The following EPCAM variants were observed in gnomAD, a reference collection of about 807,000 sequenced individuals.
The protein encoded by EPCAM is epithelial cell adhesion molecule.
EPCAM carries 39 observed loss-of-function variants against 40.0 expected under a neutral mutation model. That is an observed-to-expected ratio of 0.98 (90% CI 0.76 to 1.27). The LOEUF (loss-of-function observed/expected upper bound fraction) is 1.27, where lower values mean the gene tolerates loss of function less well. Ranked by LOEUF, EPCAM falls within the 50% of genes most tolerant of loss-of-function variation. EPCAM has a pLI of 0.00. For missense variants in EPCAM, 503 were observed against 381.2 expected (o/e 1.32, Z -2.66); for synonymous variants, 168 against 132.3 (o/e 1.27, Z -1.85).
intron 7 of EPCAM, among the ~76,000 whole-genome samples, chr2:47,381,151 C>G (rs1471507578): frequency 1.1e-4 from 15 of 139,554 alleles, no homozygotes; most frequent in Non-Finnish European, 1.1e-4. Flanking sequence ...AATCCCAGCA[C>G]TTTGGGAGGC....
intron 1 of EPCAM, among the ~76,000 whole-genome samples, chr2:47,373,205 T>TAAA (rs777057814): frequency 0.059 from 3,816 of 64,636 alleles, 335 homozygotes; most frequent in East Asian, 0.12. Context: ...ACCCTATCTT[T>TAAA]AAAAAAAAAA....
At chr2:47,372,240 G>C (rs147949544) in intron 1 of EPCAM, among the ~76,000 whole-genome samples, 2 of 152,262 alleles carry the variant, frequency 1.3e-5, no homozygotes, top group African/African-American at 4.8e-5. Flanking sequence ...TTCCTGTTAA[G>C]CCCCAAAGGA....
intron 1 of EPCAM, among the ~76,000 whole-genome samples, chr2:47,370,160 A>C (rs973777338): frequency 1.3e-5 from 2 of 152,262 alleles, no homozygotes; most frequent in African/African-American, 4.8e-5. Flanking sequence ...GAGTAATGCC[A>C]GGCTTATTGT....
In EPCAM at chr2:47,376,649, T is replaced by G. The variant is rs1465097363; in HGVS notation, c.492-365T>G. The stretch of plus-strand genomic sequence containing the variant: ...CTTGTGTCCTTTATAATACTTCACA[T>G]TAGGAGTTGCATGATGTCAGCTTGT... On this transcript the variant is annotated intron_variant, in intron 4 of 8. Coordinates refer to ENST00000263735, the MANE Select transcript of EPCAM (RefSeq NM_002354.3). Among the ~76,000 whole-genome samples, 7 of 152,270 alleles carry G rather than the reference T, an allele frequency of 4.6e-5. No homozygotes were observed. In the East Asian group the frequency reaches 1.2e-3, roughly 25 times the overall value.
chr2:47,370,724 T>C (rs1007606252), intron 1 of EPCAM, among the ~76,000 whole-genome samples: 1 of 151,440 alleles, frequency 6.6e-6, no homozygotes, highest in Non-Finnish European at 1.5e-5. Flanking sequence ...GTATTTATTA[T>C]TTATTATTAT....
chr2:47,376,287 C>A (rs552942656), intron 4 of EPCAM, among the ~76,000 whole-genome samples: 1 of 142,632 alleles, frequency 7.0e-6, no homozygotes, highest in Non-Finnish European at 1.5e-5. Flanking sequence ...TGGAGTTTTC[C>A]CTTTTGTTGC....
chr2:47,386,173 T>G (rs1671738245), intron 8 of EPCAM, among the ~76,000 whole-genome samples: 1 of 152,212 alleles, frequency 6.6e-6, no homozygotes, highest in Non-Finnish European at 1.5e-5. Context: ...TTGTCTCAGT[T>G]TGCCTGTAAC....
chr2:47,374,451 G>C (rs1409851057), intron 3 of EPCAM, among the ~76,000 whole-genome samples: 1 of 151,994 alleles, frequency 6.6e-6, no homozygotes, highest in Non-Finnish European at 1.5e-5. Context: ...CTTGTTTTAG[G>C]GATTGTTTAA....
intron 7 of EPCAM, among the ~76,000 whole-genome samples, chr2:47,382,350 G>A (rs1459501443): frequency 6.6e-6 from 1 of 152,054 alleles, no homozygotes; most frequent in Non-Finnish European, 1.5e-5. Flanking sequence ...AAACACAAGT[G>A]CAATAAGGAA....
chr2:47,370,094 A>G (rs571261360), intron 1 of EPCAM, among the ~76,000 whole-genome samples: 2 of 152,236 alleles, frequency 1.3e-5, no homozygotes, highest in African/African-American at 4.8e-5. Context: ...TGCGCGCGGC[A>G]GGCGGCCCGG....
intron 1 of EPCAM, among the ~76,000 whole-genome samples, chr2:47,371,426 C>A (rs1284300857): frequency 6.6e-6 from 1 of 152,216 alleles, no homozygotes; most frequent in East Asian, 1.9e-4. Flanking sequence ...GGTCCGGCAT[C>A]TCTTGGTTTA....
chr2:47,373,681 C>T (rs2103746449), intron 2 of EPCAM, 111 bp downstream of exon 2: 1 of 1,461,168 alleles, frequency 6.8e-7, no homozygotes. Context: ...AATCATGTTA[C>T]AAAGTAAGTG....
In EPCAM at chr2:47,373,465, T is replaced by C. The variant is rs2103745496; in HGVS notation, c.79T>C (p.Cys27Arg). 1 of 1,600,156 alleles carries C rather than the reference T, an allele frequency of 6.2e-7. No homozygotes were observed. ...AGATTTTTTTTTTAATTTTCTAGAA[T>C]GTGTCTGTGAAAACTACAAGCTGGC... Reference protein sequence around the residue: ...TATFAAAQEECVCENYKLAVN... With the variant: ...TATFAAAQEERVCENYKLAVN... Residue 27 changes from cysteine to arginine, a missense_variant and splice_region_variant, in exon 2 of 9, where the codon TGT (cysteine) becomes CGT (arginine). By Grantham distance (180) the Cys-to-Arg change is radical. Coordinates refer to ENST00000263735, the MANE Select transcript of EPCAM (RefSeq NM_002354.3).
intron 7 of EPCAM, chr2:47,383,426 C>T (rs1407031515): frequency 2.0e-5 from 3 of 151,288 alleles, no homozygotes; most frequent in Non-Finnish European, 4.4e-5. Context: ...GCCTCACCCT[C>T]CCGAGTAGCC....
At chr2:47,376,355 C>A (rs574981322) in intron 4 of EPCAM, among the ~76,000 whole-genome samples, 1 of 149,898 alleles carries the variant, frequency 6.7e-6, no homozygotes, top group Admixed American at 6.7e-5. Flanking sequence ...TTCCCGGATT[C>A]AAGCGATTCT....
chr2:47,386,928 C>A lies in EPCAM; in HGVS notation c.*315C>A, dbSNP rs1170017312. 5.2e-5 allele frequency: 14 copies of A among 270,732 alleles called. No homozygotes were observed. The highest frequency in any genetic ancestry group is 4.3e-4 in the East Asian group (8 of 18,650). The allele number at this position is 270,732 out of a possible 1,614,324, so 16.8% of individuals were successfully genotyped here. The stretch of plus-strand genomic sequence containing the variant: ...TGCTTCCACAGTAAAATCTGAAAAA[C>A]TGATTTGTGATTGAAAGCTGCCTTT... On this transcript the variant is annotated 3_prime_UTR_variant, in exon 9 of 9. Coordinates refer to ENST00000263735, the MANE Select transcript of EPCAM (RefSeq NM_002354.3).
At chr2:47,382,443 T>C (rs1303566403) in intron 7 of EPCAM, among the ~76,000 whole-genome samples, 1 of 152,130 alleles carries the variant, frequency 6.6e-6, no homozygotes, top group African/African-American at 2.4e-5. Context: ...TCCCAGCACT[T>C]TGGGAGGCTG....
chr2:47,384,577 C>G (rs1205881289), intron 7 of EPCAM, among the ~76,000 whole-genome samples: 1 of 151,650 alleles, frequency 6.6e-6, no homozygotes, highest in African/African-American at 2.4e-5. Context: ...CCGCGCCTGG[C>G]TAATTTTTTT....
chr2:47,370,861 A>G (rs1011711038), intron 1 of EPCAM, among the ~76,000 whole-genome samples: 26 of 152,028 alleles, frequency 1.7e-4, no homozygotes, highest in Non-Finnish European at 1.9e-4. Context: ...GACTACAGGC[A>G]TGCACCACCA....
Sources: allele counts gnomAD v4.1 joint callset (sites outside exome capture counted in the v4.1 genomes callset), GRCh38; gene constraint gnomAD v4.1.1; transcripts MANE v1.5; gene names NCBI Gene and HGNC (gene_info 2026-07-23, HGNC 2026-07-21).